Variants in LRFN2 observed in about 807,000 individuals in gnomAD.
The protein encoded by LRFN2 is leucine rich repeat and fibronectin type III domain containing 2.
In LRFN2, 18 loss-of-function variants were observed where a neutral mutation model predicts 37.3. That is an observed-to-expected ratio of 0.48 (90% CI 0.33 to 0.72). The LOEUF (loss-of-function observed/expected upper bound fraction) is 0.72, where lower values mean the gene tolerates loss of function less well. Ranked by LOEUF, LRFN2 falls within the 30% of genes least tolerant of loss-of-function variation. LRFN2 has a pLI of 0.02. For missense variants in LRFN2, 1,006 were observed against 1,060.7 expected, an observed-to-expected ratio of 0.95 and a Z score of 0.72; for synonymous variants, 556 against 466.6, an observed-to-expected ratio of 1.19 and a Z score of -2.47.
At chr6:40,418,242 C>G (rs569003898) in intron 2 of LRFN2, among the ~76,000 whole-genome samples, 1 of 152,262 alleles carries the variant, frequency 6.6e-6, no homozygotes, top group East Asian at 1.9e-4. Flanking sequence ...CTGACTCTTT[C>G]ACTCCATTCA....
At chr6:40,424,623 T>C (rs560816730) in intron 2 of LRFN2, among the ~76,000 whole-genome samples, 11 of 152,304 alleles carry the variant, frequency 7.2e-5, no homozygotes, top group Admixed American at 2.0e-4. Flanking sequence ...GCAGGTTCAT[T>C]TTGATCCGGG....
intron 1 of LRFN2, among the ~76,000 whole-genome samples, chr6:40,566,022 C>A (rs906593167): frequency 6.6e-6 from 1 of 152,006 alleles, no homozygotes; most frequent in Non-Finnish European, 1.5e-5. Flanking sequence ...CTACAATGAA[C>A]TCAAAAAATT....
chr6:40,438,103 G>T (rs750576296), intron 1 of LRFN2, among the ~76,000 whole-genome samples: 1 of 152,150 alleles, frequency 6.6e-6, no homozygotes, highest in Non-Finnish European at 1.5e-5. Flanking sequence ...GCAAAGGAGC[G>T]AGAGCTTGTC....
chr6:40,391,683 AG>A lies in LRFN2; in HGVS notation c.*259del. On this transcript the variant is annotated 3_prime_UTR_variant, in exon 3 of 3. Coordinates refer to ENST00000338305, the MANE Select transcript of LRFN2 (RefSeq NM_020737.3). ...TTGTAGGCTACATTTGTGATTAGAA[AG>A]GCGGAGTCTCGCCTTTCCAAACACT... 1 of 376,652 alleles carries A rather than the reference AG, an allele frequency of 2.7e-6. No individual in the cohort carries two copies. The highest frequency in any genetic ancestry group is 4.7e-6 in the Non-Finnish European group (1 of 212,118). The allele number at this position is 376,652 out of a possible 1,614,324, so 23.3% of individuals were successfully genotyped here.
chr6:40,406,181 A>G (rs1762842737), intron 2 of LRFN2, among the ~76,000 whole-genome samples: 1 of 152,224 alleles, frequency 6.6e-6, no homozygotes, highest in South Asian at 2.1e-4. Flanking sequence ...AAGAGGGAGC[A>G]GATGATACAG....
intron 1 of LRFN2, among the ~76,000 whole-genome samples, chr6:40,452,762 C>T (rs1764141164): frequency 6.6e-6 from 1 of 152,094 alleles, no homozygotes; most frequent in African/African-American, 2.4e-5. Flanking sequence ...TATCCTTCTC[C>T]CCCAATACTT....
chr6:40,413,028 G>A (rs145729127), intron 2 of LRFN2, among the ~76,000 whole-genome samples: 109 of 152,230 alleles, frequency 7.2e-4, no homozygotes, highest in African/African-American at 2.5e-3. Context: ...CCGTGTTCCA[G>A]AGAGCACCGT....
intron 1 of LRFN2, among the ~76,000 whole-genome samples, chr6:40,445,928 C>T (rs1382124086): frequency 6.6e-6 from 1 of 152,142 alleles, no homozygotes; most frequent in Admixed American, 6.6e-5. Flanking sequence ...TAACCAGGGC[C>T]AGGCACAAAA....
Position 40,432,472 on chromosome 6 carries a change from A to AGGGG in LRFN2, c.638_641dup (p.Asp215ProfsTer2). ...CCTGGGAGCGGGCAAAGATGGGATC[A>AGGGG]GGGGGCAGCTTCTGCAGCCGATTGG... On this transcript the variant is annotated frameshift_variant, in exon 2 of 3. Coordinates refer to ENST00000338305, the MANE Select transcript of LRFN2 (RefSeq NM_020737.3). LOFTEE classifies it high-confidence loss of function. 1.9e-6 allele frequency: 3 copies of AGGGG among 1,614,208 alleles called. No homozygotes were observed. The highest frequency in any genetic ancestry group is 2.5e-6 in the Non-Finnish European group (3 of 1,180,038).
intron 1 of LRFN2, among the ~76,000 whole-genome samples, chr6:40,527,657 G>A (rs571067599): frequency 1.3e-5 from 2 of 152,364 alleles, no homozygotes; most frequent in South Asian, 4.1e-4. Context: ...GAGTGATTAT[G>A]TGAGTGATTA....
intron 2 of LRFN2, among the ~76,000 whole-genome samples, chr6:40,405,158 C>T (rs1170909964): frequency 1.3e-5 from 2 of 152,248 alleles, no homozygotes; most frequent in African/African-American, 2.4e-5. Flanking sequence ...CTACCCATTA[C>T]ACATCTGACA....
At chr6:40,440,074 C>A (rs999465285) in intron 1 of LRFN2, among the ~76,000 whole-genome samples, 4 of 152,038 alleles carry the variant, frequency 2.6e-5, no homozygotes, top group Non-Finnish European at 5.9e-5. Flanking sequence ...TCCTGAATCT[C>A]CAAACTTCTT....
At chr6:40,503,418 T>C (rs1482708293) in intron 1 of LRFN2, among the ~76,000 whole-genome samples, 1 of 152,104 alleles carries the variant, frequency 6.6e-6, no homozygotes, top group Non-Finnish European at 1.5e-5. Flanking sequence ...ACTTAGCTGC[T>C]CACTGGTGCA....
chr6:40,525,588 T>C (rs1766229053), intron 1 of LRFN2, among the ~76,000 whole-genome samples: 1 of 152,194 alleles, frequency 6.6e-6, no homozygotes, highest in African/African-American at 2.4e-5. Context: ...CTGACAGAAA[T>C]ATGCATCTGC....
Position 40,409,035 on chromosome 6 carries a change from T to C in LRFN2, c.1401-16123A>G, listed in dbSNP as rs189257969. ...CCCCCTCGGTAGCCACAAGCCCTCA[T>C]GACTTTATCACCCCTTACAGGCTCC... is the stretch of plus-strand genomic sequence containing the variant. On this transcript the variant is annotated intron_variant, in intron 2 of 2. Coordinates refer to ENST00000338305, the MANE Select transcript of LRFN2 (RefSeq NM_020737.3). Among the ~76,000 whole-genome samples the C allele has an allele frequency of 8.7e-4, 132 of 152,314 alleles. 3 individuals are homozygous for C. The highest frequency in any genetic ancestry group is 8.3e-3 in the Admixed American group (127 of 15,302).
chr6:40,394,061 C>T (rs1762567216), intron 2 of LRFN2, among the ~76,000 whole-genome samples: 1 of 152,160 alleles, frequency 6.6e-6, no homozygotes, highest in East Asian at 1.9e-4. Flanking sequence ...GCCAAGAAAC[C>T]TGGGGGAAGA....
intron 1 of LRFN2, among the ~76,000 whole-genome samples, chr6:40,510,747 T>C (rs770734634): frequency 6.6e-6 from 1 of 152,174 alleles, no homozygotes; most frequent in South Asian, 2.1e-4. Context: ...TGTTTTGCAT[T>C]GGGTGGCCAT....
intron 2 of LRFN2, among the ~76,000 whole-genome samples, chr6:40,401,500 C>T (rs1280455628): frequency 1.3e-5 from 2 of 152,172 alleles, no homozygotes; most frequent in Non-Finnish European, 2.9e-5. Flanking sequence ...CCTGGCACAC[C>T]GCTCTGGACT....
At chr6:40,466,288 C>A (rs374293707) in intron 1 of LRFN2, among the ~76,000 whole-genome samples, 2 of 152,142 alleles carry the variant, frequency 1.3e-5, no homozygotes, top group African/African-American at 4.8e-5. Context: ...AGCAGGAGAA[C>A]CTATAAATGC....
Sources: allele counts gnomAD v4.1 joint callset (sites outside exome capture counted in the v4.1 genomes callset), GRCh38; gene constraint gnomAD v4.1.1; transcripts MANE v1.5; gene names NCBI Gene and HGNC (gene_info 2026-07-23, HGNC 2026-07-21).